Variants in ZC3H4 observed in about 807,000 individuals in gnomAD.
ZC3H4 encodes zinc finger CCCH-type containing 4, also known as zinc finger CCCH domain-containing protein 4.
In ZC3H4, 13 loss-of-function variants were observed where a neutral mutation model predicts 108.3. That is an observed-to-expected ratio of 0.12 (90% CI 0.08 to 0.19). ZC3H4 has a LOEUF of 0.19. ZC3H4 is among the 10% of genes least tolerant of loss of function. The pLI, the probability that ZC3H4 is intolerant of heterozygous loss-of-function variation, is 1.00. For missense variants in ZC3H4, 1,734 were observed against 1,838.8 expected (o/e 0.94, Z 1.04); for synonymous variants, 917 against 749.6 (o/e 1.22, Z -3.65).
intron 4 of ZC3H4, among the ~76,000 whole-genome samples, chr19:47,091,530 C>T (rs1365626294): frequency 2.0e-5 from 3 of 151,106 alleles, no homozygotes; most frequent in African/African-American, 7.3e-5. Flanking sequence ...GGCAAGATTG[C>T]GCCACTGCAC....
intron 1 of ZC3H4, chr19:47,113,480 G>T (rs754102181): frequency 6.5e-6 from 1 of 153,106 alleles, no homozygotes. Flanking sequence ...AGCGGTGTCC[G>T]GGTGGGTGGC....
chr19:47,085,498 A>G (rs1160589695), intron 6 of ZC3H4, 84 bp from the exon 7 acceptor site: 3 of 1,263,682 alleles, frequency 2.4e-6, no homozygotes, highest in Non-Finnish European at 3.3e-6. Context: ...CTCCTTTTTG[A>G]AGGATGGTGA....
chr19:47,108,205 T>C (rs1348964437), intron 2 of ZC3H4, among the ~76,000 whole-genome samples: 4 of 152,064 alleles, frequency 2.6e-5, no homozygotes, highest in African/African-American at 9.7e-5. Context: ...TTCAGCTACT[T>C]TGCTTGCTAT....
chr19:47,103,817 G>A (rs1436014197), intron 2 of ZC3H4, among the ~76,000 whole-genome samples: 12 of 150,942 alleles, frequency 8.0e-5, no homozygotes, highest in South Asian at 2.1e-4. Flanking sequence ...GGTGGCAGGC[G>A]CCTGTAGTCC....
Position 47,098,178 on chromosome 19 carries a change from C to T in ZC3H4, c.162-3570G>A, listed in dbSNP as rs117436727. On this transcript the variant is annotated intron_variant, in intron 2 of 14. Transcript: ENST00000253048. ...AGGATGCTGGGTTCAGCACACACCA[C>T]GGACTTGGCAAAAACAGTGCTTGGT... 9.5e-3 allele frequency among the ~76,000 whole-genome samples: 1,449 copies of T among 152,302 alleles called. 14 individuals are homozygous for T. The highest frequency in any genetic ancestry group is 0.011 in the Non-Finnish European group (774 of 68,024).
In ZC3H4 at chr19:47,090,132, T is replaced by G. The variant is rs1379150094; in HGVS notation, c.550A>C (p.Lys184Gln). The change falls in exon 5 of 15, where the codon AAG becomes CAG. Residue 184 changes from lysine to glutamine, a missense_variant. By Grantham distance (53) the Lys-to-Gln change is moderately conservative (BLOSUM62 1). This residue lies in a region of ZC3H4 where 403 missense variants were observed against 457.0 expected (regional missense o/e 0.88). Coordinates refer to ENST00000253048, the MANE Select transcript of ZC3H4 (RefSeq NM_015168.2). ...ATGCCATAACTCTTGCTGTCCATCT[T>G]GGAGTATGCCTTCTTGGGCAGGGGC... ...ATPLPKKAYS[K>Q]MDSKSYGMYE... 1.2e-6 allele frequency: 2 copies of G among 1,614,170 alleles called. No individual in the cohort carries two copies. Among genetic ancestry groups the G allele is most frequent in the Non-Finnish European group, 1.7e-6 (2 of 1,180,012 alleles).
At chr19:47,084,941 T>G in intron 8 of ZC3H4, 115 bp downstream of exon 8, 1 of 1,422,828 alleles carries the variant, frequency 7.0e-7, no homozygotes, top group Non-Finnish European at 9.7e-7. Flanking sequence ...TGGCCAGCCC[T>G]TTGGGGGGTG....
At chr19:47,084,226 G>A in intron 9 of ZC3H4, 119 bp downstream of exon 9, 1 of 926,442 alleles carries the variant, frequency 1.1e-6, no homozygotes. Flanking sequence ...TGTCCACAAG[G>A]ACAAGGACTA....
chr19:47,082,269 G>A lies in ZC3H4; in HGVS notation c.1245C>T (p.Asp415=), dbSNP rs1355934433. Reference sequence around the variant, plus strand: ...GTTCTCGCTTCTTTGGGAGTTCGATGTCATGGCTAAAATTACAGTGGTCTC... The same window carrying A: ...GTTCTCGCTTCTTTGGGAGTTCGATATCATGGCTAAAATTACAGTGGTCTC... ...TWGDHCNFSH[D]IELPKKRELC... is the part of the protein sequence containing the mutation. The change falls in exon 10 of 15, where the codon GAC becomes GAT. Residue 415 remains aspartate (D), a synonymous_variant. Transcript: ENST00000253048. The A allele has an allele frequency of 6.2e-7, 1 of 1,613,962 alleles. No homozygotes were observed. The highest frequency in any genetic ancestry group is 1.7e-5 in the Admixed American group (1 of 60,016).
intron 1 of ZC3H4, among the ~76,000 whole-genome samples, chr19:47,112,961 G>T (rs2058060048): frequency 6.6e-6 from 1 of 152,014 alleles, no homozygotes; most frequent in African/African-American, 2.4e-5. Context: ...GGGAGAAGAG[G>T]AGAGCGAGCG....
At chr19:47,077,962 A>G (rs2057452876) in intron 11 of ZC3H4, among the ~76,000 whole-genome samples, 1 of 152,136 alleles carries the variant, frequency 6.6e-6, no homozygotes, top group Non-Finnish European at 1.5e-5. Flanking sequence ...GCAAACATCA[A>G]GTTTTGCTTT....
Position 47,072,390 on chromosome 19 carries a change from C to G in ZC3H4, c.1764G>C (p.Val588=). The G allele has an allele frequency of 6.2e-7, 1 of 1,613,454 alleles. No individual in the cohort carries two copies. Among genetic ancestry groups the G allele is most frequent in the South Asian group, 1.1e-5 (1 of 90,956 alleles). ...TCTCAGCCAGCTGTCCCGTGGGCCGCACCACGATCTCAAACAAGGAGGGGA... is the reference window on the plus strand; with the variant it reads ...TCTCAGCCAGCTGTCCCGTGGGCCGGACCACGATCTCAAACAAGGAGGGGA... ...KKIPSLFEIV[V]RPTGQLAEKL... The change falls in exon 12 of 15, where the codon GTG becomes GTC. Residue 588 remains valine (V), a synonymous_variant. Coordinates refer to ENST00000253048, the MANE Select transcript of ZC3H4 (RefSeq NM_015168.2). This position sits in a 1 kb window ranked among gnomAD's most constrained non-coding sequence, Gnocchi z 5.6.
chr19:47,081,399 G>A, intron 11 of ZC3H4, 114 bp downstream of exon 11: 4 of 809,458 alleles, frequency 4.9e-6, no homozygotes, highest in Non-Finnish European at 8.4e-6. Context: ...CCCAATTCCA[G>A]ATCAACCAAA....
intron 11 of ZC3H4, among the ~76,000 whole-genome samples, chr19:47,075,103 A>G (rs1206811793): frequency 6.6e-6 from 1 of 152,066 alleles, no homozygotes; most frequent in Non-Finnish European, 1.5e-5. Flanking sequence ...CCTAGCCATT[A>G]GCAATGGTAT....
rs370281793 is a variant in ZC3H4, at chr19:47,086,453, G to T, written c.801C>A (p.Gly267=). The part of the protein sequence containing the change: ...RGRGMGRGSR[G]RGRGSMGGDH... Reference sequence around the variant, plus strand: ...CTCCTCCCATAGAGCCTCTGCCCCTGCCTCGGCTGCCCCTGCCCATGCCGC... The same window carrying T: ...CTCCTCCCATAGAGCCTCTGCCCCTTCCTCGGCTGCCCCTGCCCATGCCGC... The change falls in exon 6 of 15, where the codon GGC becomes GGA. Residue 267 remains glycine, a synonymous_variant. Coordinates refer to ENST00000253048, the MANE Select transcript of ZC3H4 (RefSeq NM_015168.2). The T allele has an allele frequency of 1.2e-6, 2 of 1,612,282 alleles. No homozygotes were observed. Among genetic ancestry groups the T allele is most frequent in the Non-Finnish European group, 1.7e-6 (2 of 1,179,700 alleles).
chr19:47,093,464 C>G (rs2057771366), intron 4 of ZC3H4, among the ~76,000 whole-genome samples: 1 of 152,184 alleles, frequency 6.6e-6, no homozygotes, highest in Non-Finnish European at 1.5e-5. Context: ...GCATCTTTCT[C>G]TGAGACATAC....
Position 47,066,604 on chromosome 19 carries a change from G to A in ZC3H4, c.3664C>T (p.Arg1222Trp), listed in dbSNP as rs764069470. ...TDRYNSYNRP[R>W]PKAAAAPAAT... The stretch of plus-strand genomic sequence containing the variant: ...GCGGGGGCTGCAGCAGCCTTGGGCC[G>A]GGGCCGGTTGTAGCTGTTGTATCTG... Residue 1222 changes from arginine (R) to tryptophan (W), a missense_variant, in exon 15 of 15, where the codon CGG (arginine) becomes TGG (tryptophan). Arg to Trp is a moderately radical substitution (Grantham distance 101). Coordinates refer to ENST00000253048, the MANE Select transcript of ZC3H4 (RefSeq NM_015168.2). The A allele has an allele frequency of 9.3e-6, 15 of 1,605,652 alleles. No homozygotes were observed. Among genetic ancestry groups the A allele is most frequent in the East Asian group, 4.5e-5 (2 of 44,696 alleles).
At chr19:47,078,009 G>A (rs1047412709) in intron 11 of ZC3H4, among the ~76,000 whole-genome samples, 2 of 152,084 alleles carry the variant, frequency 1.3e-5, no homozygotes, top group African/African-American at 4.8e-5. Flanking sequence ...TACTTTTAAC[G>A]GACTCAAGTA....
rs375571345 is a variant in ZC3H4 at position 47,084,677 on chromosome 19, T to C, written c.1108-222A>G. ...GAGGAAAAGCTCTAGCCTTTAGAGC[T>C]GTTAGCCACTTACACCTCAAGTTCC... On this transcript the variant is annotated intron_variant, in intron 8 of 14. Coordinates refer to ENST00000253048, the MANE Select transcript of ZC3H4 (RefSeq NM_015168.2). 3.9e-5 allele frequency among the ~76,000 whole-genome samples: 6 copies of C among 152,290 alleles called. No homozygotes were observed. The South Asian group carries it at 1.2e-3, about 32-fold the overall frequency.
Sources: allele counts gnomAD v4.1 joint callset (sites outside exome capture counted in the v4.1 genomes callset), GRCh38; gene constraint gnomAD v4.1.1; regional missense constraint gnomAD v4.1.1; non-coding constraint Gnocchi (gnomAD v3.1); transcripts MANE v1.5; gene names NCBI Gene and HGNC (gene_info 2026-07-23, HGNC 2026-07-21).